Variants in NRG1 observed in about 807,000 individuals in gnomAD.
The protein encoded by NRG1 is pro-neuregulin-1, membrane-bound isoform.
In NRG1, 18 loss-of-function variants were observed where a neutral mutation model predicts 63.8. The observed-to-expected ratio is 0.28, with a 90% CI of 0.19 to 0.42. NRG1 has a LOEUF of 0.42. NRG1 is among the 10% of genes least tolerant of loss of function. The pLI, the probability that NRG1 is intolerant of heterozygous loss-of-function variation, is 1.00. For synonymous variants in NRG1, 302 were observed against 301.3 expected (o/e 1.00, Z -0.02); for missense variants, 762 against 814.7 (o/e 0.94, Z 0.79).
intron 1 of NRG1, among the ~76,000 whole-genome samples, chr8:31,972,597 G>T (rs1367671133): frequency 2.6e-5 from 4 of 151,970 alleles, no homozygotes; most frequent in African/African-American, 9.7e-5. Context: ...CCCCAATGTT[G>T]ATCACTTGAA....
chr8:32,335,790 T>A (rs1044278443), intron 1 of NRG1, among the ~76,000 whole-genome samples: 26 of 152,128 alleles, frequency 1.7e-4, no homozygotes, highest in African/African-American at 6.0e-4. Context: ...TTGAAAGAAA[T>A]GCAGCCCAAC....
chr8:32,588,844 A>G (rs1842059431), intron 1 of NRG1, among the ~76,000 whole-genome samples: 1 of 152,208 alleles, frequency 6.6e-6, no homozygotes, highest in Non-Finnish European at 1.5e-5. Flanking sequence ...ATTTCAAATG[A>G]AGGTGCCATC....
chr8:32,412,330 C>A (rs1815080208), intron 1 of NRG1, among the ~76,000 whole-genome samples: 1 of 150,800 alleles, frequency 6.6e-6, no homozygotes, highest in Admixed American at 6.6e-5. Context: ...TTGCTGACTG[C>A]AGATCTTATG....
intron 1 of NRG1, among the ~76,000 whole-genome samples, chr8:32,542,403 A>G (rs1222315626): frequency 6.6e-6 from 1 of 152,232 alleles, no homozygotes; most frequent in Non-Finnish European, 1.5e-5. Flanking sequence ...ACACTTCTGT[A>G]TGTATAGTCT....
intron 1 of NRG1, among the ~76,000 whole-genome samples, chr8:32,243,482 TG>T: frequency 6.6e-6 from 1 of 151,456 alleles, no homozygotes; most frequent in East Asian, 1.9e-4. Flanking sequence ...GCCCACCCTA[TG>T]GAACTCATTT....
At chr8:32,655,531 G>A (rs1469605453) in intron 5 of NRG1, among the ~76,000 whole-genome samples, 3 of 152,150 alleles carry the variant, frequency 2.0e-5, no homozygotes, top group African/African-American at 7.2e-5. Context: ...GTTCGTGTAT[G>A]CATATATTCA....
intron 1 of NRG1, among the ~76,000 whole-genome samples, chr8:32,349,473 G>A (rs1805321965): frequency 6.6e-6 from 1 of 152,196 alleles, no homozygotes; most frequent in Admixed American, 6.5e-5. Flanking sequence ...CCATACACAT[G>A]GGAAGTGTGA....
intron 1 of NRG1, among the ~76,000 whole-genome samples, chr8:31,893,933 C>T (rs1025060191): frequency 5.3e-5 from 8 of 151,824 alleles, no homozygotes; most frequent in African/African-American, 1.2e-4. Context: ...ATCTACCTAC[C>T]GAATAGTAAG....
At chr8:32,416,182 A>G (rs1815885477) in intron 1 of NRG1, among the ~76,000 whole-genome samples, 1 of 152,204 alleles carries the variant, frequency 6.6e-6, no homozygotes, top group African/African-American at 2.4e-5. Context: ...AATATTACCT[A>G]CCTTTAGTGT....
chr8:31,734,449 T>A (rs566866800), intron 1 of NRG1, among the ~76,000 whole-genome samples: 3 of 152,354 alleles, frequency 2.0e-5, no homozygotes, highest in South Asian at 2.1e-4. Flanking sequence ...TAAGTTTTTT[T>A]AAATGATATG....
At chr8:31,985,071 G>T (rs552325955) in intron 1 of NRG1, among the ~76,000 whole-genome samples, 2 of 151,986 alleles carry the variant, frequency 1.3e-5, no homozygotes, top group Non-Finnish European at 2.9e-5. Flanking sequence ...ATAGAGAGAA[G>T]AAATAAACAA....
intron 1 of NRG1, among the ~76,000 whole-genome samples, chr8:32,121,366 A>G (rs528611002): frequency 6.6e-6 from 1 of 151,796 alleles, no homozygotes; most frequent in African/African-American, 2.4e-5. Context: ...TCCTTTGGGA[A>G]TCCATGTAGG....
chr8:32,180,673 G>A (rs1195684761), intron 1 of NRG1, among the ~76,000 whole-genome samples: 2 of 151,980 alleles, frequency 1.3e-5, no homozygotes. Flanking sequence ...ATGGTGTACA[G>A]CACATTGCTA....
At chr8:31,838,612 T>C (rs1015978663) in intron 1 of NRG1, among the ~76,000 whole-genome samples, 1 of 152,182 alleles carries the variant, frequency 6.6e-6, no homozygotes, top group Non-Finnish European at 1.5e-5. Context: ...TTATGTTTTC[T>C]GTCAGTGTTT....
At chr8:31,755,923 G>A (rs982893842) in intron 1 of NRG1, among the ~76,000 whole-genome samples, 3 of 152,116 alleles carry the variant, frequency 2.0e-5, no homozygotes, top group Non-Finnish European at 4.4e-5. Flanking sequence ...TGTTTATGGT[G>A]GTTAAGAAGA....
intron 1 of NRG1, among the ~76,000 whole-genome samples, chr8:31,764,228 G>A (rs934235839): frequency 4.6e-5 from 7 of 152,010 alleles, no homozygotes; most frequent in Non-Finnish European, 8.8e-5. Context: ...AAATAATACA[G>A]AGAGATACTC....
intron 1 of NRG1, among the ~76,000 whole-genome samples, chr8:32,220,366 A>G (rs1296994421): frequency 6.6e-6 from 1 of 152,120 alleles, no homozygotes; most frequent in Non-Finnish European, 1.5e-5. Flanking sequence ...TACCTTAGCA[A>G]CATTTGCCCT....
intron 7 of NRG1, chr8:32,749,201 A>C (rs746249952): frequency 3.9e-5 from 8 of 204,670 alleles, no homozygotes; most frequent in African/African-American, 1.6e-4. Context: ...AAAAAAAGGA[A>C]TGAAATAGTA....
intron 1 of NRG1, among the ~76,000 whole-genome samples, chr8:31,798,351 A>C (rs933450816): frequency 5.3e-5 from 8 of 152,210 alleles, no homozygotes; most frequent in African/African-American, 1.9e-4. Flanking sequence ...ATCATGTGTC[A>C]ACTAAAAATA....
Sources: gnomAD v4.1 joint callset for allele counts (sites outside exome capture counted in the v4.1 genomes callset) on GRCh38, gnomAD v4.1.1 for gene constraint, MANE v1.5 for transcripts, NCBI Gene and HGNC (gene_info 2026-07-23, HGNC 2026-07-21) for gene names.